NPHP1: variants seen among roughly 807,000 people sequenced by gnomAD.
NPHP1 encodes the protein nephrocystin 1.
In NPHP1, 70 loss-of-function variants were observed where a neutral mutation model predicts 90.4. That is an observed-to-expected ratio of 0.77 (90% confidence interval 0.64 to 0.95). NPHP1 has a LOEUF of 0.95. NPHP1 is among the 40% of genes least tolerant of loss of function. The probability of loss-of-function intolerance (pLI) is 0.00; values close to 1 mark genes in which losing one functional copy is unlikely to be tolerated. For synonymous variants in NPHP1, 256 were observed against 271.7 expected (o/e 0.94, Z 0.57); for missense variants, 764 against 795.9 (o/e 0.96, Z 0.48).
intron 2 of NPHP1, among the ~76,000 whole-genome samples, chr2:110,192,076 T>G (rs1454865089): frequency 6.6e-6 from 1 of 151,218 alleles, no homozygotes; most frequent in Non-Finnish European, 1.5e-5. Flanking sequence ...GCAGAAAAAC[T>G]GAAAATTCTA....
chr2:110,153,841 G>A (rs1451745532), intron 11 of NPHP1, among the ~76,000 whole-genome samples: 1 of 152,040 alleles, frequency 6.6e-6, no homozygotes, highest in Non-Finnish European at 1.5e-5. Context: ...AAATTAGCTG[G>A]GTGTGGTAGT....
Position 110,164,510 on chromosome 2 carries a change from G to C in NPHP1, c.771+178C>G. 8.0e-7 allele frequency: 1 copy of C among 1,256,784 alleles called. No individual in the cohort carries two copies. Among genetic ancestry groups the C allele is most frequent in the Non-Finnish European group, 1.2e-6 (1 of 862,976 alleles). 77.9% of individuals were successfully genotyped at this position (1,256,784 alleles called of 1,614,324 possible). Reference sequence around the variant, plus strand: ...TACAAAAAAAAAAAAAAACTAATGAGAAATGTTACTTGGAGCACAGGCTTA... The same window carrying C: ...TACAAAAAAAAAAAAAAACTAATGACAAATGTTACTTGGAGCACAGGCTTA... On this transcript the variant is annotated intron_variant, in intron 8 of 19. Coordinates refer to ENST00000445609, the MANE Select transcript of NPHP1 (RefSeq NM_001128178.3).
At chr2:110,199,419 A>T (rs1685412806) in intron 2 of NPHP1, among the ~76,000 whole-genome samples, 1 of 152,042 alleles carries the variant, frequency 6.6e-6, no homozygotes, top group Non-Finnish European at 1.5e-5. Flanking sequence ...CTTAAAAAAA[A>T]AAAAACCAAT....
chr2:110,150,304 A>G (rs1169418771), intron 11 of NPHP1, 48 bp from the exon 12 acceptor site: 5 of 1,557,094 alleles, frequency 3.2e-6, no homozygotes, highest in Non-Finnish European at 4.4e-6. Context: ...GCTCTTTGAA[A>G]TGTCACCATT....
chr2:110,129,052 A>T, intron 18 of NPHP1, 134 bp downstream of exon 18: 1 of 706,164 alleles, frequency 1.4e-6, no homozygotes, highest in Non-Finnish European at 2.6e-6. Flanking sequence ...GGACTGAGTT[A>T]CCTAGACAAT....
intron 18 of NPHP1, chr2:110,128,429 T>A (rs999058380): frequency 6.6e-6 from 1 of 152,092 alleles, no homozygotes; most frequent in Non-Finnish European, 1.5e-5. Flanking sequence ...AGCTGGACTG[T>A]CAGCTCTATT....
chr2:110,132,725 T>A (rs1289861114), intron 16 of NPHP1, among the ~76,000 whole-genome samples: 2 of 152,130 alleles, frequency 1.3e-5, no homozygotes, highest in African/African-American at 4.8e-5. Context: ...CAGTAAGGGC[T>A]AAAAAATAGA....
At chr2:110,196,108 T>A (rs1425079626) in intron 2 of NPHP1, among the ~76,000 whole-genome samples, 2 of 151,848 alleles carry the variant, frequency 1.3e-5, no homozygotes, top group African/African-American at 4.8e-5. Flanking sequence ...GGACGTCATG[T>A]CTAAAACACC....
chr2:110,154,111 T>C (rs546771689), intron 11 of NPHP1, among the ~76,000 whole-genome samples: 9 of 152,204 alleles, frequency 5.9e-5, no homozygotes, highest in African/African-American at 9.6e-5. Flanking sequence ...TGGGTGGTGA[T>C]TGAATTATGG....
intron 11 of NPHP1, among the ~76,000 whole-genome samples, chr2:110,150,848 C>CA (rs367944667): frequency 1.0e-3 from 150 of 149,600 alleles, no homozygotes; most frequent in African/African-American, 3.4e-3. Context: ...TTGCACCCAG[C>CA]AAAAAAATGG....
intron 16 of NPHP1, among the ~76,000 whole-genome samples, chr2:110,134,306 A>G (rs1680003231): frequency 6.6e-6 from 1 of 152,082 alleles, no homozygotes; most frequent in Non-Finnish European, 1.5e-5. Context: ...AAAGAAATAG[A>G]AAATCTCAAT....
chr2:110,142,226 A>C (rs1167219006), intron 16 of NPHP1, among the ~76,000 whole-genome samples: 1 of 152,146 alleles, frequency 6.6e-6, no homozygotes, highest in Non-Finnish European at 1.5e-5. Context: ...ATATCTATCA[A>C]AGGGAATTCA....
chr2:110,133,688 T>G (rs928049349), intron 16 of NPHP1, among the ~76,000 whole-genome samples: 8 of 152,074 alleles, frequency 5.3e-5, no homozygotes, highest in African/African-American at 9.7e-5. Context: ...ATATCTTTTT[T>G]CAATCATAAT....
chr2:110,170,061 G>A (rs1683014957), intron 4 of NPHP1, 63 bp from the exon 5 acceptor site: 1 of 1,599,706 alleles, frequency 6.3e-7, no homozygotes, highest in Non-Finnish European at 8.5e-7. Flanking sequence ...CCAGCTATGA[G>A]TGTAACTTCT....
At chr2:110,193,712 C>T (rs188432283) in intron 2 of NPHP1, among the ~76,000 whole-genome samples, 3 of 152,262 alleles carry the variant, frequency 2.0e-5, no homozygotes, top group Admixed American at 1.3e-4. Context: ...ACATTATTCT[C>T]AGCACCACAC....
At position 110,123,579 on chromosome 2, in the gene NPHP1, A is replaced by T. The variant is rs1408490092; in HGVS notation, c.*212T>A. ...AAATAAATACTGTTTAAATTTAGATATAACAGTATTCCTTATAAAAATTTA... is the reference window on the plus strand; with the variant it reads ...AAATAAATACTGTTTAAATTTAGATTTAACAGTATTCCTTATAAAAATTTA... On this transcript the variant is annotated 3_prime_UTR_variant, in exon 20 of 20. Coordinates refer to ENST00000445609, the MANE Select transcript of NPHP1 (RefSeq NM_001128178.3). 2.0e-6 allele frequency: 1 copy of T among 509,186 alleles called. No individual in the cohort carries two copies. The highest frequency in any genetic ancestry group is 3.4e-6 in the Non-Finnish European group (1 of 291,928). The allele number at this position is 509,186 out of a possible 1,614,324, so 31.5% of individuals were successfully genotyped here.
intron 2 of NPHP1, among the ~76,000 whole-genome samples, chr2:110,191,241 G>C (rs548934918): frequency 1.3e-5 from 2 of 152,238 alleles, no homozygotes; most frequent in South Asian, 4.2e-4. Flanking sequence ...GAAGCACAAG[G>C]GACAAGGGAA....
At chr2:110,178,760 T>C (rs1683683596) in intron 3 of NPHP1, 9 of 538,700 alleles carry the variant, frequency 1.7e-5, no homozygotes, top group Admixed American at 3.4e-5. Context: ...CCACTTGTTT[T>C]AGGTTTCTCT....
At chr2:110,178,807 T>C in intron 3 of NPHP1, 2 of 376,950 alleles carry the variant, frequency 5.3e-6, no homozygotes, top group Non-Finnish European at 9.6e-6. Context: ...CCTTCCATAG[T>C]CAGTAAGAGA....
Sources: allele counts gnomAD v4.1 joint callset (sites outside exome capture counted in the v4.1 genomes callset), GRCh38; gene constraint gnomAD v4.1.1; transcripts MANE v1.5; gene names NCBI Gene and HGNC (gene_info 2026-07-23, HGNC 2026-07-21).